Variants in ZNF778 observed in about 807,000 individuals in gnomAD.
ZNF778 encodes the protein zinc finger protein 778.
A neutral mutation model predicts 23.9 loss-of-function variants in ZNF778; 37 were observed. That is an observed-to-expected ratio of 1.54 (90% CI 1.19 to 2.03). ZNF778 has a LOEUF of 2.03. Among genes scored for constraint, ZNF778 ranks in the 30% most tolerant of loss-of-function variants. The pLI is 0.00. For missense variants in ZNF778, 1,297 were observed against 934.4 expected (o/e 1.39, Z -5.06); for synonymous variants, 483 against 343.9 (o/e 1.40, Z -4.48).
Position 89,235,253 on chromosome 16 carries a change from C to T in ZNF778, c.*6691C>T, listed in dbSNP as rs966686959. 3.3e-5 allele frequency: 5 copies of T among 152,040 alleles called. No homozygotes were observed. The highest frequency in any genetic ancestry group is 6.6e-5 in the Admixed American group (1 of 15,236). The allele number at this position is 152,040 out of a possible 1,614,324, so 9.4% of individuals were successfully genotyped here. ...CACCAGCACCCACTAGGCTCCAGAT[C>T]GGGGCCTCATGCTGACTTCCGTTTT... On this transcript the variant is annotated 3_prime_UTR_variant, in exon 7 of 7. Coordinates refer to ENST00000433976, the MANE Select transcript of ZNF778 (RefSeq NM_001201407.2).
Position 89,228,665 on chromosome 16 carries a change from A to G in ZNF778, c.*103A>G, listed in dbSNP as rs564026169. ...CATGACTTGAGGAATGTGGCTAGGC[A>G]ATCAGCATCTCATCACAACCCGGCA... is the stretch of plus-strand genomic sequence containing the variant. On this transcript the variant is annotated 3_prime_UTR_variant, in exon 7 of 7. Transcript: ENST00000433976. 1.3e-6 allele frequency: 2 copies of G among 1,503,974 alleles called. No homozygotes were observed. The highest frequency in any genetic ancestry group is 2.8e-5 in the South Asian group (2 of 70,942). 93.2% of individuals were successfully genotyped at this position (1,503,974 alleles called of 1,614,324 possible).
rs2031553903 is a variant in ZNF778, at chr16:89,227,200, T to G, written c.912T>G (p.Pro304=). The change falls in exon 7 of 7, where the codon CCT becomes CCG. Residue 304 remains proline, a synonymous_variant. Transcript: ENST00000433976. The stretch of plus-strand genomic sequence containing the variant: ...TTACTGGTCGCGTGCAAGTCCACCC[T>G]GGGGAAAAGCCCTGTGAATTGGAAG... ...AYLTGRVQVH[P]GEKPCELEEC... is the part of the protein sequence containing the mutation. 1 of 1,613,844 alleles carries G rather than the reference T, an allele frequency of 6.2e-7. No homozygotes were observed. Among genetic ancestry groups the G allele is most frequent in the South Asian group, 1.1e-5 (1 of 91,082 alleles).
Position 89,232,415 on chromosome 16 carries a change from G to T in ZNF778, c.*3853G>T. The T allele has an allele frequency of 6.2e-6, 2 of 321,596 alleles. No individual in the cohort carries two copies. The highest frequency in any genetic ancestry group is 5.5e-5 in the South Asian group (2 of 36,226). 19.9% of individuals were successfully genotyped at this position (321,596 alleles called of 1,614,324 possible). On this transcript the variant is annotated 3_prime_UTR_variant, in exon 7 of 7. Coordinates refer to ENST00000433976, the MANE Select transcript of ZNF778 (RefSeq NM_001201407.2). The stretch of plus-strand genomic sequence containing the variant: ...CTAAGTTACCCACAGCCTCAGATAT[G>T]TAGCAACACAGACAGACTAAGACAC...
chr16:89,233,656 C>G lies in ZNF778; in HGVS notation c.*5094C>G, dbSNP rs2032122268. ...TGCAACTCAGCTCGCTCTGCATATG[C>G]AATTCAACTCGCACTGCGTATGCAA... is the stretch of plus-strand genomic sequence containing the variant. On this transcript the variant is annotated 3_prime_UTR_variant, in exon 7 of 7. Coordinates refer to ENST00000433976, the MANE Select transcript of ZNF778 (RefSeq NM_001201407.2). 1.6e-6 allele frequency: 2 copies of G among 1,282,786 alleles called. No individual in the cohort carries two copies. Among genetic ancestry groups the G allele is most frequent in the Admixed American group, 2.3e-5 (1 of 42,592 alleles). The allele number at this position is 1,282,786 out of a possible 1,614,324, so 79.5% of individuals were successfully genotyped here.
Position 89,232,188 on chromosome 16 carries a change from A to G in ZNF778, c.*3626A>G, listed in dbSNP as rs1010282871. The G allele has an allele frequency of 1.8e-5, 3 of 167,548 alleles. No individual in the cohort carries two copies. Among genetic ancestry groups the G allele is most frequent in the African/African-American group, 7.2e-5 (3 of 41,652 alleles). 10.4% of individuals were successfully genotyped at this position (167,548 alleles called of 1,614,324 possible). A position where few individuals can be genotyped will look rare whatever the true frequency, so the allele number is the denominator to read the frequency against. ...GGATACCATTCATTCTTGCTGTGTC[A>G]AGCCTGGATTGGTTTGTAGGGGAAT... On this transcript the variant is annotated 3_prime_UTR_variant, in exon 7 of 7. Coordinates refer to ENST00000433976, the MANE Select transcript of ZNF778 (RefSeq NM_001201407.2).
Position 89,232,793 on chromosome 16 carries a change from A to G in ZNF778, c.*4231A>G. 2 of 1,281,464 alleles carry G rather than the reference A, an allele frequency of 1.6e-6. No homozygotes were observed. Among genetic ancestry groups the G allele is most frequent in the Non-Finnish European group, 2.0e-6 (2 of 988,556 alleles). 79.4% of individuals were successfully genotyped at this position (1,281,464 alleles called of 1,614,324 possible). ...ACAAATCAACTCACTGCATATGCAC[A>G]TCAACTCACTGCATATGCAACTCAA... is the stretch of plus-strand genomic sequence containing the variant. On this transcript the variant is annotated 3_prime_UTR_variant, in exon 7 of 7. Coordinates refer to ENST00000433976, the MANE Select transcript of ZNF778 (RefSeq NM_001201407.2).
chr16:89,225,710 T>C (rs951774200), intron 6 of ZNF778, 79 bp downstream of exon 6: 1 of 1,291,788 alleles, frequency 7.7e-7, no homozygotes, highest in Non-Finnish European at 1.1e-6. Flanking sequence ...ATGAGCAAAA[T>C]TGAGAGAATT....
chr16:89,227,623 C>T lies in ZNF778; in HGVS notation c.1335C>T (p.Gly445=), dbSNP rs746874130. The change falls in exon 7 of 7, where the codon GGC becomes GGT. Residue 445 remains glycine, a synonymous_variant. Transcript: ENST00000433976. The part of the protein sequence containing the change: ...GLTRHVRTHT[G]EKPYTCKDCG... Reference sequence around the variant, plus strand: ...CTAGACACGTACGAACACACACGGGCGAGAAGCCATACACGTGTAAGGACT... The same window carrying T: ...CTAGACACGTACGAACACACACGGGTGAGAAGCCATACACGTGTAAGGACT... 3.1e-5 allele frequency: 50 copies of T among 1,613,780 alleles called. No homozygotes were observed. Among genetic ancestry groups the T allele is most frequent in the Admixed American group, 2.0e-4 (12 of 59,986 alleles).
chr16:89,233,080 G>C lies in ZNF778; in HGVS notation c.*4518G>C, dbSNP rs757134104. On this transcript the variant is annotated 3_prime_UTR_variant, in exon 7 of 7. Transcript: ENST00000433976. ...GCGTATGCAACTCAGCTCGCACTGC[G>C]TATGCAACTCAGCTCGCACTGCGTA... is the stretch of plus-strand genomic sequence containing the variant. 1 of 1,214,714 alleles carries C rather than the reference G, an allele frequency of 8.2e-7. No homozygotes were observed. Among genetic ancestry groups the C allele is most frequent in the Non-Finnish European group, 1.1e-6 (1 of 949,214 alleles). The allele number at this position is 1,214,714 out of a possible 1,614,324, so 75.2% of individuals were successfully genotyped here. A position where few individuals can be genotyped will look rare whatever the true frequency, so the allele number is the denominator to read the frequency against.
chr16:89,228,313 T>C lies in ZNF778; in HGVS notation c.2025T>C (p.Cys675=), dbSNP rs748282129. Residue 675 remains cysteine, a synonymous_variant, in exon 7 of 7, where the codon TGT becomes TGC. Coordinates refer to ENST00000433976, the MANE Select transcript of ZNF778 (RefSeq NM_001201407.2). ...ACACAGGAGAGAAACCTTACATATGTAACGAGTGTGGGAAAGCCTTCCGTG... is the reference window on the plus strand; with the variant it reads ...ACACAGGAGAGAAACCTTACATATGCAACGAGTGTGGGAAAGCCTTCCGTG... The part of the protein sequence containing the change: ...RTHTGEKPYI[C]NECGKAFRAS... The C allele has an allele frequency of 6.8e-6, 11 of 1,606,820 alleles. No individual in the cohort carries two copies. The highest frequency in any genetic ancestry group is 2.7e-5 in the African/African-American group (2 of 74,878).
rs546557305 is a variant in ZNF778 at position 89,227,210 on chromosome 16, C to T, written c.922C>T (p.Pro308Ser). Residue 308 changes from proline (P) to serine (S), a missense_variant, in exon 7 of 7, where the codon CCC becomes TCC. Physicochemically the swap from Pro to Ser is moderately conservative, Grantham distance 74. Coordinates refer to ENST00000433976, the MANE Select transcript of ZNF778 (RefSeq NM_001201407.2). The part of the protein sequence containing the change: ...GRVQVHPGEK[P>S]CELEECGKAS... ...CGTGCAAGTCCACCCTGGGGAAAAG[C>T]CCTGTGAATTGGAAGAATGTGGAAA... 25 of 1,613,296 alleles carry T rather than the reference C, an allele frequency of 1.5e-5. No homozygotes were observed. In the South Asian group the frequency reaches 2.5e-4, roughly 16 times the overall value.
rs2031876076 is a variant in ZNF778 at position 89,230,705 on chromosome 16, A to G, written c.*2143A>G. 6.6e-6 allele frequency: 1 copy of G among 152,276 alleles called. No homozygotes were observed. The highest frequency in any genetic ancestry group is 2.1e-4 in the South Asian group (1 of 4,832). The allele number at this position is 152,276 out of a possible 1,614,324, so 9.4% of individuals were successfully genotyped here. A position where few individuals can be genotyped will look rare whatever the true frequency, so the allele number is the denominator to read the frequency against. ...GAATGTGTGTCCTCTGGCTGCAGCAATCCTGGGTTATGTTTTTTGTGGCCA... is the reference window on the plus strand; with the variant it reads ...GAATGTGTGTCCTCTGGCTGCAGCAGTCCTGGGTTATGTTTTTTGTGGCCA... On this transcript the variant is annotated 3_prime_UTR_variant, in exon 7 of 7. Transcript: ENST00000433976.
chr16:89,227,781 T>C lies in ZNF778; in HGVS notation c.1493T>C (p.Ile498Thr). 6.2e-7 allele frequency: 1 copy of C among 1,612,842 alleles called. No individual in the cohort carries two copies. Among genetic ancestry groups the C allele is most frequent in the South Asian group, 1.1e-5 (1 of 91,028 alleles). Residue 498 changes from isoleucine (I) to threonine (T), a missense_variant, in exon 7 of 7, where the codon ATC becomes ACC. Physicochemically the swap from Ile to Thr is moderately conservative, Grantham distance 89 (BLOSUM62 -1). Coordinates refer to ENST00000433976, the MANE Select transcript of ZNF778 (RefSeq NM_001201407.2). ...TCAAGCCTGACTGAGCACGCGAGAA[T>C]CCATACCGGAGAGAAACCCTACGAA... Reference protein sequence around the residue: ...VSSSLTEHARIHTGEKPYECK... With the variant: ...VSSSLTEHARTHTGEKPYECK...
In ZNF778 at chr16:89,227,871, C is replaced by T. The variant is rs993852353; in HGVS notation, c.1583C>T (p.Thr528Ile). 4 of 1,614,000 alleles carry T rather than the reference C, an allele frequency of 2.5e-6. No homozygotes were observed. The African/African-American group carries it at 5.3e-5, about 22-fold the overall frequency. Reference sequence around the variant, plus strand: ...CTCACTAAACACATGCGGACACACACCGGGGAGAAGCCCTATGAATGTAAG... The same window carrying T: ...CTCACTAAACACATGCGGACACACATCGGGGAGAAGCCCTATGAATGTAAG... ...SGLTKHMRTHTGEKPYECKDC... is the reference protein window; with the variant it reads ...SGLTKHMRTHIGEKPYECKDC... Residue 528 changes from threonine to isoleucine, a missense_variant, in exon 7 of 7, where the codon ACC (threonine) becomes ATC (isoleucine). By Grantham distance (89) the Thr-to-Ile change is moderately conservative. Coordinates refer to ENST00000433976, the MANE Select transcript of ZNF778 (RefSeq NM_001201407.2).
In ZNF778 at chr16:89,229,375, C is replaced by T. The variant is rs892486031; in HGVS notation, c.*813C>T. 1.0e-6 allele frequency: 1 copy of T among 984,174 alleles called. No individual in the cohort carries two copies. The highest frequency in any genetic ancestry group is 4.7e-5 in the South Asian group (1 of 21,264). The allele number at this position is 984,174 out of a possible 1,614,324, so 61.0% of individuals were successfully genotyped here. On this transcript the variant is annotated 3_prime_UTR_variant, in exon 7 of 7. Transcript: ENST00000433976. ...TGATCTTGTGTGAGCACTGTAGGCT[C>T]TGGTTGGTTAGTCTTGAGGATCCAG...
chr16:89,227,115 C>A lies in ZNF778; in HGVS notation c.827C>A (p.Ala276Asp). The A allele has an allele frequency of 5.6e-6, 9 of 1,613,994 alleles. No homozygotes were observed. The highest frequency in any genetic ancestry group is 7.6e-6 in the Non-Finnish European group (9 of 1,179,890). The change falls in exon 7 of 7, where the codon GCC becomes GAC. Residue 276 changes from alanine to aspartate, a missense_variant. Transcript: ENST00000433976. Reference sequence around the variant, plus strand: ...TGCGCCACACCTGTTGAAATGCATGCCGTCAGGAATCCCCACGTATGTAGG... The same window carrying A: ...TGCGCCACACCTGTTGAAATGCATGACGTCAGGAATCCCCACGTATGTAGG... The part of the protein sequence containing the change: ...MGCATPVEMH[A>D]VRNPHVCREC...
chr16:89,234,311 AGTTTTATT>A lies in ZNF778; in HGVS notation c.*5750_*5757del. 3.0e-6 allele frequency: 1 copy of A among 332,370 alleles called. No individual in the cohort carries two copies. The highest frequency in any genetic ancestry group is 5.9e-6 in the Non-Finnish European group (1 of 169,508). 20.6% of individuals were successfully genotyped at this position (332,370 alleles called of 1,614,324 possible). A position where few individuals can be genotyped will look rare whatever the true frequency, so the allele number is the denominator to read the frequency against. On this transcript the variant is annotated 3_prime_UTR_variant, in exon 7 of 7. Transcript: ENST00000433976. ...GGAACTGCCATGTTGACTCCTGGGC[AGTTTTATT>A]CTTTCTCTCTACTCGTTCAACCTTC...
In ZNF778 at chr16:89,237,134, T is replaced by A. The variant is rs1567518724; in HGVS notation, c.*8572T>A. The A allele has an allele frequency of 1.3e-5, 2 of 151,108 alleles. No individual in the cohort carries two copies. Among genetic ancestry groups the A allele is most frequent in the Admixed American group, 6.6e-5 (1 of 15,124 alleles). The allele number at this position is 151,108 out of a possible 1,614,324, so 9.4% of individuals were successfully genotyped here. On this transcript the variant is annotated 3_prime_UTR_variant, in exon 7 of 7. Transcript: ENST00000433976. The stretch of plus-strand genomic sequence containing the variant: ...CAATATGTTAATTAAAACATACTAC[T>A]AAAAAAAGTGTTAAATAGCCTGAAA...
Position 89,227,692 on chromosome 16 carries a change from A to G in ZNF778, c.1404A>G (p.Val468=). Residue 468 remains valine, a synonymous_variant, in exon 7 of 7, where the codon GTA becomes GTG. Coordinates refer to ENST00000433976, the MANE Select transcript of ZNF778 (RefSeq NM_001201407.2). Reference sequence around the variant, plus strand: ...CATCCTCGGGCCTTACTGAGCATGTAAGGACTCACACTGGAGAGAAACCAT... The same window carrying G: ...CATCCTCGGGCCTTACTGAGCATGTGAGGACTCACACTGGAGAGAAACCAT... The part of the protein sequence containing the change: ...FCTSSGLTEH[V]RTHTGEKPYE... 6.2e-7 allele frequency: 1 copy of G among 1,614,174 alleles called. No individual in the cohort carries two copies. The highest frequency in any genetic ancestry group is 8.5e-7 in the Non-Finnish European group (1 of 1,180,014).
Sources: allele counts gnomAD v4.1 joint callset, GRCh38; gene constraint gnomAD v4.1.1; transcripts MANE v1.5; gene names NCBI Gene and HGNC (gene_info 2026-07-23, HGNC 2026-07-21).